NR1H3: variants seen among roughly 807,000 people sequenced by gnomAD.
NR1H3 encodes the protein oxysterols receptor LXR-alpha.
In NR1H3, 19 loss-of-function variants were observed where a neutral mutation model predicts 48.1. The observed-to-expected ratio is 0.40, with a 90% CI of 0.28 to 0.58. The LOEUF is 0.58. Among genes scored for constraint, NR1H3 ranks in the 20% least tolerant of loss-of-function variants. NR1H3 has a pLI of 0.50. For synonymous variants in NR1H3, 232 were observed against 227.3 expected (o/e 1.02, Z -0.19); for missense variants, 486 against 595.9 (o/e 0.82, Z 1.92).
chr11:47,267,152 T>C (rs1306514050), intron 7 of NR1H3, among the ~76,000 whole-genome samples: 2 of 151,632 alleles, frequency 1.3e-5, no homozygotes, highest in African/African-American at 4.8e-5. Flanking sequence ...ACTGAAAATA[T>C]AAGAATTAGC....
rs55957374 is a variant in NR1H3, at chr11:47,264,253, T to A, written c.988+2235T>A. Among the ~76,000 whole-genome samples, 1,237 of 152,304 alleles carry A rather than the reference T, an allele frequency of 8.1e-3. 4 individuals carry two copies. The highest frequency in any genetic ancestry group is 0.014 in the African/African-American group (572 of 41,566). ...GGGCTGTAAAATATGGCTGATGCCC[T>A]GACTCCACTCTCAGGGCTGGTAGAT... On this transcript the variant is annotated intron_variant, in intron 7 of 9. Coordinates refer to ENST00000441012, the MANE Select transcript of NR1H3 (RefSeq NM_005693.4).
In NR1H3 at chr11:47,268,795, G is replaced by A; in HGVS notation, c.*99G>A. 6.9e-7 allele frequency: 1 copy of A among 1,448,896 alleles called. No homozygotes were observed. Among genetic ancestry groups the A allele is most frequent in the South Asian group, 1.3e-5 (1 of 77,582 alleles). 89.8% of individuals were successfully genotyped at this position (1,448,896 alleles called of 1,614,324 possible). On this transcript the variant is annotated 3_prime_UTR_variant, in exon 10 of 10. Transcript: ENST00000441012. ...CAGACTGAGAAGGGCAAACATTCCT[G>A]GGAGCTGGGCAAGGAGATCCTCCCG...
At position 47,268,185 on chromosome 11, in the gene NR1H3, A is replaced by G. The variant is rs1362162393; in HGVS notation, c.1103-76A>G. On this transcript the variant is annotated intron_variant, in intron 8 of 9. Coordinates refer to ENST00000441012, the MANE Select transcript of NR1H3 (RefSeq NM_005693.4). Reference sequence around the variant, plus strand: ...GAGAGCTTGGCTGGAGCATGTCTCTATATTTTGGTTGCAATTTGGGGTATG... The same window carrying G: ...GAGAGCTTGGCTGGAGCATGTCTCTGTATTTTGGTTGCAATTTGGGGTATG... 5.1e-6 allele frequency: 7 copies of G among 1,377,504 alleles called. No homozygotes were observed. In the East Asian group the frequency reaches 1.4e-4, roughly 28 times the overall value. The allele number at this position is 1,377,504 out of a possible 1,614,324, so 85.3% of individuals were successfully genotyped here.
intron 3 of NR1H3, 61 bp from the exon 4 acceptor site, chr11:47,260,348 G>T: frequency 6.4e-7 from 1 of 1,554,926 alleles, no homozygotes; most frequent in Non-Finnish European, 8.7e-7. Flanking sequence ...CAGTGGCTGA[G>T]TCAGGGAGAA....
intron 4 of NR1H3, 132 bp from the exon 5 acceptor site, chr11:47,261,109 C>G (rs994564901): frequency 1.5e-6 from 1 of 670,870 alleles, no homozygotes; most frequent in Non-Finnish European, 2.6e-6. Context: ...CTTGCCTTTA[C>G]CCAGTGCTGT....
upstream of NR1H3, among the ~76,000 whole-genome samples, chr11:47,254,153 C>T (rs1451609099): frequency 6.6e-6 from 1 of 152,170 alleles, no homozygotes; most frequent in Non-Finnish European, 1.5e-5. Flanking sequence ...CCTGCCCACC[C>T]CCACTCCCAC....
At chr11:47,255,525 C>T (rs912740730), upstream of NR1H3, among the ~76,000 whole-genome samples, 4 of 143,202 alleles carry the variant, frequency 2.8e-5, no homozygotes, top group African/African-American at 5.0e-5. Flanking sequence ...GTGATAGACT[C>T]TCTTTCTTTC....
chr11:47,268,666 G>A lies in NR1H3; in HGVS notation c.1314G>A (p.Leu438=), dbSNP rs1186348585. The A allele has an allele frequency of 6.2e-7, 1 of 1,614,060 alleles. No individual in the cohort carries two copies. Among genetic ancestry groups the A allele is most frequent in the Non-Finnish European group, 8.5e-7 (1 of 1,180,048 alleles). Residue 438 remains leucine, a synonymous_variant, in exon 10 of 10, where the codon CTG becomes CTA. Transcript: ENST00000441012. The part of the protein sequence containing the change: ...LRLQDKKLPP[L]LSEIWDVHE ...TGCAGGACAAAAAGCTCCCACCGCT[G>A]CTCTCTGAGATCTGGGATGTGCACG...
chr11:47,256,127 A>G (rs1358999693), upstream of NR1H3, among the ~76,000 whole-genome samples: 1 of 147,606 alleles, frequency 6.8e-6, no homozygotes, highest in Non-Finnish European at 1.5e-5. Context: ...GCTCACTGCA[A>G]CCTCCCAGAT....
upstream of NR1H3, chr11:47,248,724 C>T (rs763133170): frequency 6.2e-7 from 1 of 1,611,648 alleles, no homozygotes. Context: ...GCATCACCAC[C>T]AGGTTCACGC....
intron 8 of NR1H3, 66 bp downstream of exon 8, chr11:47,268,092 G>C: frequency 2.0e-6 from 2 of 1,015,092 alleles, no homozygotes; most frequent in Non-Finnish European, 3.0e-6. Context: ...GGTCCCACAG[G>C]AATCGGTGGG....
chr11:47,249,257 C>T (rs1954398845), intron 1 of NR1H3, among the ~76,000 whole-genome samples: 1 of 152,016 alleles, frequency 6.6e-6, no homozygotes, highest in Admixed American at 6.6e-5. Context: ...TGAGCCCTGG[C>T]CCTGTTCTCC....
chr11:47,248,614 C>T, upstream of NR1H3: 1 of 1,562,696 alleles, frequency 6.4e-7, no homozygotes, highest in Non-Finnish European at 8.7e-7. Flanking sequence ...CCTCGACCTC[C>T]ACCAGCTGGC....
chr11:47,255,595 T>TTCTCTC (rs1183559034), upstream of NR1H3, among the ~76,000 whole-genome samples: 27 of 61,402 alleles, frequency 4.4e-4, no homozygotes, highest in East Asian at 3.4e-3. Context: ...CTTTCTTTCT[T>TTCTCTC]TCTCTCTCTC....
At chr11:47,267,863 A>G (rs73450115) in intron 7 of NR1H3, 50 bp from the exon 8 acceptor site, 2 of 1,324,224 alleles carry the variant, frequency 1.5e-6, no homozygotes, top group Non-Finnish European at 2.2e-6. Flanking sequence ...GAGAGAAGAA[A>G]GTTCCTGCTG....
chr11:47,265,864 C>CT (rs999788115), intron 7 of NR1H3, among the ~76,000 whole-genome samples: 9 of 152,150 alleles, frequency 5.9e-5, no homozygotes, highest in Admixed American at 2.0e-4. Flanking sequence ...GAGCAAGACT[C>CT]TTTGTCTCAA....
At chr11:47,248,985 G>A (rs1172755901) in exon 1 of NR1H3, 18 of 1,509,772 alleles carry the variant, frequency 1.2e-5, no homozygotes, top group Non-Finnish European at 1.6e-5. Context: ...GGCTGTGGCG[G>A]AGGAGCATAA....
chr11:47,261,312 TC>T lies in NR1H3; in HGVS notation c.573del (p.Leu192CysfsTer22). 6.2e-7 allele frequency: 1 copy of T among 1,613,672 alleles called. No individual in the cohort carries two copies. The highest frequency in any genetic ancestry group is 8.5e-7 in the Non-Finnish European group (1 of 1,179,960). ...RQEEEQAHAT[S>X]LPPRASSPPQ... The stretch of plus-strand genomic sequence containing the variant: ...AGAGGAGGAACAGGCTCATGCCACA[TC>T]CTTGCCCCCCAGGGCTTCCTCACCC... On this transcript the variant is annotated frameshift_variant, in exon 5 of 10. Transcript: ENST00000441012. LOFTEE classifies it high-confidence loss of function.
rs529491930 is a variant in NR1H3, at chr11:47,249,043, T to C, written c.-93+44T>C. On this transcript the variant is annotated intron_variant, in intron 1 of 8. Coordinates refer to the NR1H3 transcript ENST00000395397. ...GCAGACAGGGCTCGAAGACCTCATC[T>C]TGATTAAGAAGGCCACAAATTCGCG... 63 of 1,443,128 alleles carry C rather than the reference T, an allele frequency of 4.4e-5. No homozygotes were observed. In the Admixed American group the frequency reaches 8.8e-4, roughly 20 times the overall value. 89.4% of individuals were successfully genotyped at this position (1,443,128 alleles called of 1,614,324 possible). A position where few individuals can be genotyped will look rare whatever the true frequency, so the allele number is the denominator to read the frequency against.
Sources: gnomAD v4.1 joint callset for allele counts (sites outside exome capture counted in the v4.1 genomes callset) on GRCh38, gnomAD v4.1.1 for gene constraint, MANE v1.5 for transcripts, NCBI Gene and HGNC (gene_info 2026-07-23, HGNC 2026-07-21) for gene names.